The following ANKRD11 variants were observed in gnomAD, a reference collection of about 807,000 sequenced individuals.
The protein encoded by ANKRD11 is ankyrin repeat domain 11, also known as ankyrin repeat domain-containing protein 11.
A neutral mutation model predicts 195.7 loss-of-function variants in ANKRD11; 17 were observed. The observed-to-expected ratio is 0.09, with a 90% CI of 0.06 to 0.13. The LOEUF is 0.13. Ranked by LOEUF, ANKRD11 falls within the 10% of genes least tolerant of loss-of-function variation. ANKRD11 has a pLI of 1.00. For missense variants in ANKRD11, 3,735 were observed against 3,566.1 expected (o/e 1.05, Z -1.21); for synonymous variants, 1,953 against 1,528.1 (o/e 1.28, Z -6.49).
chr16:89,415,133 T>C (rs944709534), intron 2 of ANKRD11, among the ~76,000 whole-genome samples: 2 of 151,878 alleles, frequency 1.3e-5, no homozygotes, highest in Non-Finnish European at 2.9e-5. Context: ...TTTTTATTTT[T>C]TGTAGAGATG....
At chr16:89,318,496 C>T (rs1448721120) in intron 2 of ANKRD11, among the ~76,000 whole-genome samples, 5 of 152,252 alleles carry the variant, frequency 3.3e-5, no homozygotes, top group Non-Finnish European at 5.9e-5. Context: ...TTCTGCAACT[C>T]GCTCCCCTGC....
At chr16:89,438,246 G>A (rs1313401601) in intron 1 of ANKRD11, among the ~76,000 whole-genome samples, 1 of 152,172 alleles carries the variant, frequency 6.6e-6, no homozygotes, top group Non-Finnish European at 1.5e-5. Context: ...ATACATTAAA[G>A]GTATAAATGC....
intron 3 of ANKRD11, among the ~76,000 whole-genome samples, chr16:89,309,858 C>T (rs1180413410): frequency 6.6e-6 from 1 of 152,202 alleles, no homozygotes; most frequent in Non-Finnish European, 1.5e-5. Context: ...CCCCACTATG[C>T]CCCAAGGACC....
At position 89,415,850 on chromosome 16, in the gene ANKRD11, AC is replaced by A. The variant is rs1213284790; in HGVS notation, c.-60+2433del. On this transcript the variant is annotated intron_variant, in intron 2 of 12. Transcript: ENST00000301030. ...GTCTCAAAAAAAAAAAAAAAAAAAA[AC>A]AATGGAGAACCAGCCTCAGTGAGGT... 1.2e-4 allele frequency among the ~76,000 whole-genome samples: 18 copies of A among 147,476 alleles called. 1 individual carries two copies. The highest frequency in any genetic ancestry group is 1.0e-3 in the Admixed American group (15 of 14,710).
chr16:89,318,480 A>G (rs1213526571), intron 2 of ANKRD11, among the ~76,000 whole-genome samples: 1 of 152,226 alleles, frequency 6.6e-6, no homozygotes, highest in Non-Finnish European at 1.5e-5. Flanking sequence ...TGCCGGGAGA[A>G]GCAGCTTCTG....
intron 2 of ANKRD11, among the ~76,000 whole-genome samples, chr16:89,389,175 C>T (rs962028857): frequency 6.6e-6 from 1 of 152,040 alleles, no homozygotes; most frequent in East Asian, 1.9e-4. Context: ...CACGCCACTA[C>T]GTCTGGCTAA....
intron 1 of ANKRD11, among the ~76,000 whole-genome samples, chr16:89,471,635 A>T (rs1416898485): frequency 6.6e-6 from 1 of 151,748 alleles, no homozygotes; most frequent in Non-Finnish European, 1.5e-5. Flanking sequence ...AAATACAAAA[A>T]TTATCCGGGC....
chr16:89,286,250 A>G lies in ANKRD11; in HGVS notation c.745-64T>C, dbSNP rs186942589. On this transcript the variant is annotated intron_variant, in intron 7 of 12. Coordinates refer to ENST00000301030, the MANE Select transcript of ANKRD11 (RefSeq NM_013275.6). Reference sequence around the variant, plus strand: ...AAGCACAACTCCTCTACCGTTCCGCATAACACGGCAGCCCCTTCCGAGAAC... The same window carrying G: ...AAGCACAACTCCTCTACCGTTCCGCGTAACACGGCAGCCCCTTCCGAGAAC... The G allele has an allele frequency of 1.2e-4, 197 of 1,596,938 alleles. 1 individual carries two copies. In the African/African-American group the frequency reaches 2.2e-3, roughly 18 times the overall value.
At chr16:89,345,483 C>T (rs1360283977) in intron 2 of ANKRD11, among the ~76,000 whole-genome samples, 3 of 152,324 alleles carry the variant, frequency 2.0e-5, no homozygotes, top group East Asian at 1.9e-4. Flanking sequence ...GCCCCAAGCA[C>T]GGAGGCAGAG....
chr16:89,380,206 A>G (rs574839902), intron 2 of ANKRD11, among the ~76,000 whole-genome samples: 22 of 152,232 alleles, frequency 1.4e-4, no homozygotes, highest in African/African-American at 5.3e-4. Context: ...CCCACTTCAC[A>G]GGTTCAAGCA....
intron 1 of ANKRD11, among the ~76,000 whole-genome samples, chr16:89,441,196 A>G (rs2043446551): frequency 6.6e-6 from 1 of 152,002 alleles, no homozygotes; most frequent in Non-Finnish European, 1.5e-5. Context: ...GGATCGAGCC[A>G]CTGCACTCCA....
chr16:89,395,740 A>AT (rs779748740), intron 2 of ANKRD11: 7 of 152,250 alleles, frequency 4.6e-5, no homozygotes, highest in Non-Finnish European at 1.0e-4. Context: ...CACAGACTGA[A>AT]TAGCTTGGTA....
intron 1 of ANKRD11, among the ~76,000 whole-genome samples, chr16:89,424,902 T>C (rs924238977): frequency 6.6e-6 from 1 of 152,078 alleles, no homozygotes; most frequent in African/African-American, 2.4e-5. Flanking sequence ...CACGTACAAG[T>C]AAACTTCAGG....
In ANKRD11 at chr16:89,281,537, G is replaced by A. The variant is rs2034247845; in HGVS notation, c.5005C>T (p.His1669Tyr). The A allele has an allele frequency of 1.9e-6, 3 of 1,614,098 alleles. No individual in the cohort carries two copies. Among genetic ancestry groups the A allele is most frequent in the African/African-American group, 1.3e-5 (1 of 74,932 alleles). Reference sequence around the variant, plus strand: ...TTGGAGTCTGCACCTGATGCTGGGTGTAGCTTATTTTCCGCGGCAGGTGGA... The same window carrying A: ...TTGGAGTCTGCACCTGATGCTGGGTATAGCTTATTTTCCGCGGCAGGTGGA... ...PIPPAAENKL[H>Y]PASGADSKDW... Residue 1669 changes from histidine to tyrosine, a missense_variant, in exon 9 of 13, where the codon CAC (histidine) becomes TAC (tyrosine). Physicochemically the swap from His to Tyr is moderately conservative, Grantham distance 83 (BLOSUM62 2). Coordinates refer to ENST00000301030, the MANE Select transcript of ANKRD11 (RefSeq NM_013275.6). This position sits in a 1 kb window ranked among gnomAD's most constrained non-coding sequence, Gnocchi z 5.5.
intron 2 of ANKRD11, among the ~76,000 whole-genome samples, chr16:89,376,080 T>A (rs2040411811): frequency 6.6e-6 from 1 of 152,332 alleles, no homozygotes; most frequent in East Asian, 1.9e-4. Context: ...GCTTGAAAAT[T>A]TTTTTGTGAA....
chr16:89,340,098 C>T (rs2038584185), intron 2 of ANKRD11: 1 of 152,214 alleles, frequency 6.6e-6, no homozygotes, highest in Non-Finnish European at 1.5e-5. Context: ...ATACAAACAA[C>T]ACTAAAATGA....
chr16:89,386,015 G>C (rs1303539878), intron 2 of ANKRD11, among the ~76,000 whole-genome samples: 1 of 152,256 alleles, frequency 6.6e-6, no homozygotes, highest in Non-Finnish European at 1.5e-5. Context: ...AGGTAGCTGG[G>C]ACCACGGGTG....
intron 3 of ANKRD11, 115 bp from the exon 4 acceptor site, chr16:89,305,459 T>A (rs2151871232): frequency 7.1e-7 from 1 of 1,417,352 alleles, no homozygotes; most frequent in East Asian, 2.4e-5. Context: ...ATGAACACCC[T>A]CCCTGCACCC....
intron 1 of ANKRD11, among the ~76,000 whole-genome samples, chr16:89,431,987 C>A (rs1032693804): frequency 2.0e-5 from 3 of 152,118 alleles, no homozygotes; most frequent in East Asian, 3.8e-4. Flanking sequence ...CCAGCTCCCC[C>A]CCATCACTGT....
Sources: allele counts gnomAD v4.1 joint callset (sites outside exome capture counted in the v4.1 genomes callset), GRCh38; gene constraint gnomAD v4.1.1; non-coding constraint Gnocchi (gnomAD v3.1); transcripts MANE v1.5; gene names NCBI Gene and HGNC (gene_info 2026-07-23, HGNC 2026-07-21).